The following OPHN1 variants were observed in gnomAD, a reference collection of about 807,000 sequenced individuals.
OPHN1 encodes oligophrenin 1.
Under a neutral mutation model 60.7 loss-of-function variants are expected in OPHN1, and 11 were observed. That is an observed-to-expected ratio of 0.18 (90% CI 0.11 to 0.30). OPHN1 has a LOEUF of 0.30. Ranked by LOEUF, OPHN1 falls within the 10% of genes least tolerant of loss-of-function variation. The probability of loss-of-function intolerance (pLI) is 1.00; values close to 1 mark genes in which losing one functional copy is unlikely to be tolerated. For missense variants in OPHN1, 449 were observed against 611.0 expected, an observed-to-expected ratio of 0.73 and a Z score of 2.80; for synonymous variants, 226 against 222.6, an observed-to-expected ratio of 1.02 and a Z score of -0.14.
intron 2 of OPHN1, among the ~76,000 whole-genome samples, chrX:68,421,252 T>A (rs1602408652): frequency 9.0e-6 from 1 of 111,568 alleles, no homozygotes; most frequent in Admixed American, 9.6e-5. Flanking sequence ...ATTAGCACAC[T>A]GGTACCCCTA....
intron 2 of OPHN1, among the ~76,000 whole-genome samples, chrX:68,337,528 GT>G (rs758596648): frequency 2.7e-5 from 3 of 110,267 alleles, no homozygotes; most frequent in Admixed American, 2.0e-4. Flanking sequence ...TTAATTTTTG[GT>G]TTTTTTTCTA....
intron 20 of OPHN1, chrX:68,071,400 G>A: frequency 9.5e-6 from 7 of 738,849 alleles, no homozygotes; most frequent in Non-Finnish European, 1.5e-5. Context: ...CCACATGAAA[G>A]TGGAGGTTCT....
rs147755467 is a variant in OPHN1 at position 68,069,024 on chromosome X, C to T, written c.1834+4128G>A. Reference sequence around the variant, plus strand: ...ATTTACTAAAAACCATTAAACTGTACGCTTTAAAATGGTGCATTTTATGGT... The same window carrying T: ...ATTTACTAAAAACCATTAAACTGTATGCTTTAAAATGGTGCATTTTATGGT... On this transcript the variant is annotated intron_variant, in intron 20 of 24. Coordinates refer to ENST00000355520, the MANE Select transcript of OPHN1 (RefSeq NM_002547.3). Among the ~76,000 whole-genome samples, 272 of 111,750 alleles carry T rather than the reference C, an allele frequency of 2.4e-3. 1 individual carries two copies. The highest frequency in any genetic ancestry group is 7.9e-3 in the African/African-American group (244 of 30,757).
chrX:68,094,671 TCTATCTTACCCAGGCAGA>T (rs2077031431), intron 19 of OPHN1, among the ~76,000 whole-genome samples: 1 of 110,978 alleles, frequency 9.0e-6, no homozygotes, highest in African/African-American at 3.3e-5. Context: ...AAACCCCCCT[TCTATCTTACCCAGGCAGA>T]GCAAATCTAA....
At chrX:68,270,636 G>GT (rs1569265053) in intron 5 of OPHN1, among the ~76,000 whole-genome samples, 1 of 106,190 alleles carries the variant, frequency 9.4e-6, no homozygotes, top group Non-Finnish European at 1.9e-5. Flanking sequence ...TATACCTAAT[G>GT]TAAATGACGA....
intron 2 of OPHN1, among the ~76,000 whole-genome samples, chrX:68,420,315 A>AG (rs1265566546): frequency 5.3e-5 from 6 of 112,191 alleles, no homozygotes; most frequent in Non-Finnish European, 1.1e-4. Flanking sequence ...AGAAAATCTA[A>AG]GTCTTGGCTC....
At chrX:68,119,554 C>A (rs941417196) in intron 15 of OPHN1, among the ~76,000 whole-genome samples, 4 of 111,544 alleles carry the variant, frequency 3.6e-5, no homozygotes, top group East Asian at 2.8e-4. Flanking sequence ...CAAGAAAAAA[C>A]TGAACAAACA....
At chrX:68,065,976 G>A (rs962645468) in intron 20 of OPHN1, among the ~76,000 whole-genome samples, 1 of 112,247 alleles carries the variant, frequency 8.9e-6, no homozygotes, top group African/African-American at 3.2e-5. Flanking sequence ...TTGTCCCAAA[G>A]TAGACACATA....
At chrX:68,377,736 C>T (rs2078568261) in intron 2 of OPHN1, among the ~76,000 whole-genome samples, 1 of 110,505 alleles carries the variant, frequency 9.0e-6, no homozygotes, top group Non-Finnish European at 1.9e-5. Context: ...CAGTTTCATC[C>T]ATGTCCCTAC....
At position 68,279,101 on chromosome X, in the gene OPHN1, C is replaced by CTTTTTTTTT. The variant is rs984725368; in HGVS notation, c.312+3946_312+3954dup. On this transcript the variant is annotated intron_variant, in intron 4 of 24. Transcript: ENST00000355520. Reference sequence around the variant, plus strand: ...AGACTTTTCAAGGCCCTCCCCCGCTCTTTTTTTTTTTTTTTTTTTTTTTTT... The same window carrying CTTTTTTTTT: ...AGACTTTTCAAGGCCCTCCCCCGCTCTTTTTTTTTTTTTTTTTTTTTTTTTTTTTTTTTT... 4.1e-4 allele frequency among the ~76,000 whole-genome samples: 9 copies of CTTTTTTTTT among 21,796 alleles called. 1 individual carries two copies. The highest frequency in any genetic ancestry group is 1.3e-3 in the African/African-American group (6 of 4,618). The allele number at this position is 21,796 out of a possible 115,157, so 18.9% of individuals were successfully genotyped here.
chrX:68,163,934 A>G lies in OPHN1; in HGVS notation c.1276+28985T>C, dbSNP rs138086866. Among the ~76,000 whole-genome samples, 281 of 111,842 alleles carry G rather than the reference A, an allele frequency of 2.5e-3. 1 individual carries two copies. Among genetic ancestry groups the G allele is most frequent in the African/African-American group, 8.5e-3 (263 of 30,851 alleles). ...ACAGGATAAATTATAAAATGAAATT[A>G]AAACATAGAATCATAAAGATCATAA... is the stretch of plus-strand genomic sequence containing the variant. On this transcript the variant is annotated intron_variant, in intron 15 of 24. Transcript: ENST00000355520.
chrX:68,396,496 C>T (rs775527318), intron 2 of OPHN1, among the ~76,000 whole-genome samples: 30 of 106,703 alleles, frequency 2.8e-4, no homozygotes, highest in Non-Finnish European at 5.0e-4. Context: ...GTATGAGGGA[C>T]AATCAGGGAG....
At chrX:68,379,693 G>GT (rs748246880) in intron 2 of OPHN1, among the ~76,000 whole-genome samples, 2 of 110,130 alleles carry the variant, frequency 1.8e-5, no homozygotes, top group Non-Finnish European at 3.8e-5. Context: ...ATAATCATGT[G>GT]TTTTTTGTCT....
chrX:68,175,589 T>C (rs866225456), intron 15 of OPHN1, among the ~76,000 whole-genome samples: 1 of 111,562 alleles, frequency 9.0e-6, no homozygotes, highest in Non-Finnish European at 1.9e-5. Context: ...ACCTCCCCGA[T>C]CTTTTTGTGT....
At chrX:68,066,547 G>A (rs1337020498) in intron 20 of OPHN1, among the ~76,000 whole-genome samples, 1 of 111,347 alleles carries the variant, frequency 9.0e-6, no homozygotes, top group Non-Finnish European at 1.9e-5. Context: ...GGGGTATGGT[G>A]AATAAAAATA....
intron 3 of OPHN1, among the ~76,000 whole-genome samples, chrX:68,297,362 A>C (rs890221580): frequency 7.2e-5 from 8 of 111,592 alleles, no homozygotes; most frequent in African/African-American, 2.6e-4. Context: ...GTAGAGTTCA[A>C]ACTTGGGTTA....
At chrX:68,328,019 CG>C (rs1270264118) in intron 2 of OPHN1, among the ~76,000 whole-genome samples, 50 of 97,278 alleles carry the variant, frequency 5.1e-4, no homozygotes, top group Non-Finnish European at 8.4e-4. Flanking sequence ...TTAGTAGAGA[CG>C]GGGTTTCACC....
At chrX:68,399,426 G>A (rs768828800) in intron 2 of OPHN1, among the ~76,000 whole-genome samples, 8 of 111,898 alleles carry the variant, frequency 7.1e-5, no homozygotes, top group East Asian at 5.6e-4. Flanking sequence ...TGAGGTGGGC[G>A]GATCACTTGA....
At chrX:68,150,571 G>C (rs2077281683) in intron 15 of OPHN1, among the ~76,000 whole-genome samples, 1 of 111,818 alleles carries the variant, frequency 8.9e-6, no homozygotes. Context: ...GTTTACTTAA[G>C]ACTAAAGTAG....
Sources: allele counts gnomAD v4.1 joint callset (sites outside exome capture counted in the v4.1 genomes callset), GRCh38; gene constraint gnomAD v4.1.1; transcripts MANE v1.5; gene names NCBI Gene and HGNC (gene_info 2026-07-23, HGNC 2026-07-21).